FGGY: variants seen among roughly 807,000 people sequenced by gnomAD.
The protein encoded by FGGY is FGGY carbohydrate kinase domain-containing protein.
In FGGY, 72 loss-of-function variants were observed where a neutral mutation model predicts 71.3. That is an observed-to-expected ratio of 1.01 (90% CI 0.84 to 1.23). The LOEUF (loss-of-function observed/expected upper bound fraction) is 1.23, where lower values mean the gene tolerates loss of function less well. Ranked by LOEUF, FGGY falls within the 50% of genes most tolerant of loss-of-function variation. FGGY has a pLI of 0.00. For synonymous variants in FGGY, 251 were observed against 250.3 expected (o/e 1.00, Z -0.02); for missense variants, 668 against 682.3 (o/e 0.98, Z 0.23).
chr1:59,454,087 C>G (rs1407037225), intron 5 of FGGY, among the ~76,000 whole-genome samples: 7 of 152,092 alleles, frequency 4.6e-5, no homozygotes, highest in Non-Finnish European at 4.4e-5. Flanking sequence ...GACATTGGAA[C>G]TGGACCATAA....
intron 14 of FGGY, among the ~76,000 whole-genome samples, chr1:59,728,204 T>C (rs1336177357): frequency 6.6e-6 from 1 of 152,120 alleles, no homozygotes; most frequent in Non-Finnish European, 1.5e-5. Flanking sequence ...ATACTTCTTT[T>C]TTTAAAAGGT....
chr1:59,490,329 C>T (rs1477963997), intron 6 of FGGY, among the ~76,000 whole-genome samples: 2 of 152,154 alleles, frequency 1.3e-5, no homozygotes, highest in Admixed American at 6.6e-5. Context: ...AGATTACAGG[C>T]GTGAGTCACC....
At chr1:59,722,598 A>G (rs1006556794) in intron 14 of FGGY, among the ~76,000 whole-genome samples, 2 of 152,196 alleles carry the variant, frequency 1.3e-5, no homozygotes, top group Admixed American at 6.5e-5. Flanking sequence ...CAGTTGTTCC[A>G]GTTGTAGCCA....
At chr1:59,444,183 A>G (rs2070677318) in intron 5 of FGGY, among the ~76,000 whole-genome samples, 1 of 152,208 alleles carries the variant, frequency 6.6e-6, no homozygotes, top group Non-Finnish European at 1.5e-5. Context: ...GTAGGAGTAG[A>G]CAGATGCTTG....
At chr1:59,379,971 G>A (rs981164860) in intron 5 of FGGY, among the ~76,000 whole-genome samples, 1 of 151,950 alleles carries the variant, frequency 6.6e-6, no homozygotes, top group Non-Finnish European at 1.5e-5. Flanking sequence ...ACAGGCCCCA[G>A]TGTGTGATGT....
chr1:59,617,323 G>C (rs184434336), intron 9 of FGGY, among the ~76,000 whole-genome samples: 21 of 152,144 alleles, frequency 1.4e-4, no homozygotes, highest in Admixed American at 1.0e-3. Context: ...TTTAAAAAAA[G>C]ATATTTGTCT....
At chr1:59,627,479 T>C (rs1225822415) in intron 10 of FGGY, among the ~76,000 whole-genome samples, 86 of 132,532 alleles carry the variant, frequency 6.5e-4, no homozygotes, top group African/African-American at 2.7e-3. Context: ...TATATATATA[T>C]ATATATATAT....
At chr1:59,483,156 G>A (rs116092003) in intron 6 of FGGY, among the ~76,000 whole-genome samples, 1 of 152,068 alleles carries the variant, frequency 6.6e-6, no homozygotes, top group Non-Finnish European at 1.5e-5. Context: ...TACTTCATTG[G>A]TGTGTGACCA....
intron 14 of FGGY, among the ~76,000 whole-genome samples, chr1:59,703,200 C>T (rs76524780): frequency 0.065 from 9,934 of 152,180 alleles, 379 homozygotes; most frequent in Non-Finnish European, 0.094. Flanking sequence ...TGCCTTTCTT[C>T]CTCAGGTATT....
At chr1:59,446,237 G>C (rs1273514323) in intron 5 of FGGY, among the ~76,000 whole-genome samples, 1 of 152,164 alleles carries the variant, frequency 6.6e-6, no homozygotes, top group African/African-American at 2.4e-5. Context: ...GCAACTTTAA[G>C]ATCTTTTGTT....
intron 5 of FGGY, among the ~76,000 whole-genome samples, chr1:59,404,404 C>T (rs17119408): frequency 0.041 from 6,300 of 152,134 alleles, 391 homozygotes; most frequent in African/African-American, 0.14. Context: ...CAGCGTCAGT[C>T]CTTAAGAGGC....
At chr1:59,298,561 G>C (rs2042305703) in intron 1 of FGGY, among the ~76,000 whole-genome samples, 1 of 152,170 alleles carries the variant, frequency 6.6e-6, no homozygotes, top group African/African-American at 2.4e-5. Context: ...GCTTTTCCTG[G>C]AATTTGGTTC....
At chr1:59,481,837 T>A (rs903413039) in intron 6 of FGGY, among the ~76,000 whole-genome samples, 2 of 152,176 alleles carry the variant, frequency 1.3e-5, no homozygotes, top group African/African-American at 4.8e-5. Flanking sequence ...CCCCACTTTA[T>A]CTTACCCCAG....
intron 8 of FGGY, among the ~76,000 whole-genome samples, chr1:59,581,772 T>C (rs1332407585): frequency 6.7e-6 from 1 of 149,982 alleles, no homozygotes; most frequent in Non-Finnish European, 1.5e-5. Context: ...TGAGAGAAAG[T>C]ACATAAGTGG....
At chr1:59,480,892 G>A (rs2093443434) in intron 6 of FGGY, among the ~76,000 whole-genome samples, 1 of 152,072 alleles carries the variant, frequency 6.6e-6, no homozygotes, top group Non-Finnish European at 1.5e-5. Flanking sequence ...CTCTAAATGA[G>A]GTCTTATATG....
intron 8 of FGGY, among the ~76,000 whole-genome samples, chr1:59,578,271 G>A (rs1395544409): frequency 1.3e-5 from 2 of 152,112 alleles, no homozygotes; most frequent in Non-Finnish European, 2.9e-5. Flanking sequence ...CTGAAGGCCA[G>A]GACTGAAAGG....
At chr1:59,637,160 G>T (rs2096968252) in intron 10 of FGGY, among the ~76,000 whole-genome samples, 1 of 152,174 alleles carries the variant, frequency 6.6e-6, no homozygotes, top group South Asian at 2.1e-4. Context: ...AAAATTGGAG[G>T]TCAGAGGTTA....
intron 10 of FGGY, among the ~76,000 whole-genome samples, chr1:59,636,351 G>A (rs1207173800): frequency 1.3e-5 from 2 of 152,112 alleles, no homozygotes; most frequent in Non-Finnish European, 2.9e-5. Context: ...GACGGGTGTG[G>A]TGGCTCAAGC....
intron 9 of FGGY, among the ~76,000 whole-genome samples, chr1:59,610,849 C>A (rs1237584277): frequency 6.6e-6 from 1 of 152,238 alleles, no homozygotes; most frequent in East Asian, 1.9e-4. Flanking sequence ...TAGCAAACGG[C>A]ACACCAGGAG....
Sources: gnomAD v4.1 joint callset for allele counts (sites outside exome capture counted in the v4.1 genomes callset) on GRCh38, gnomAD v4.1.1 for gene constraint, MANE v1.5 for transcripts, NCBI Gene and HGNC (gene_info 2026-07-23, HGNC 2026-07-21) for gene names.